DAB2IP: variants seen among roughly 807,000 people sequenced by gnomAD.
DAB2IP encodes the protein DAB2 interacting protein, also known as disabled homolog 2-interacting protein.
Under a neutral mutation model 107.2 loss-of-function variants are expected in DAB2IP, and 28 were observed. The observed-to-expected ratio is 0.26, with a 90% CI of 0.19 to 0.36. DAB2IP has a LOEUF of 0.36. Ranked by LOEUF, DAB2IP falls within the 10% of genes least tolerant of loss-of-function variation. The probability of loss-of-function intolerance (pLI) is 1.00; values close to 1 mark genes in which losing one functional copy is unlikely to be tolerated. For synonymous variants in DAB2IP, 755 were observed against 706.4 expected (o/e 1.07, Z -1.09); for missense variants, 1,400 against 1,644.7 (o/e 0.85, Z 2.57).
chr9:121,764,322 C>A (rs2118983336), intron 8 of DAB2IP, among the ~76,000 whole-genome samples: 1 of 152,320 alleles, frequency 6.6e-6, no homozygotes, highest in South Asian at 2.1e-4. Flanking sequence ...AGGCCTCTTG[C>A]TGGGACTAGA....
At chr9:121,630,811 T>C (rs1831849706) in intron 1 of DAB2IP, among the ~76,000 whole-genome samples, 2 of 152,088 alleles carry the variant, frequency 1.3e-5, no homozygotes, top group Admixed American at 1.3e-4. Flanking sequence ...TTTCACCATG[T>C]TGGCCAGGCT....
rs768485967 is a variant in DAB2IP, at chr9:121,717,492, G to A, written c.362+18034G>A. The stretch of plus-strand genomic sequence containing the variant: ...GTGGATCCTGAGAATCCGCCCCTGG[G>A]CAGATTCACTCGGGTCACACACTTG... On this transcript the variant is annotated intron_variant, in intron 3 of 15. Coordinates refer to ENST00000408936, the Ensembl canonical transcript of DAB2IP. Among the ~76,000 whole-genome samples the A allele has an allele frequency of 7.0e-4, 106 of 152,240 alleles. 1 individual carries two copies. Among genetic ancestry groups the A allele is most frequent in the Non-Finnish European group, 2.5e-4 (17 of 68,044 alleles).
chr9:121,638,948 A>G (rs1832184591), intron 1 of DAB2IP, among the ~76,000 whole-genome samples: 1 of 152,116 alleles, frequency 6.6e-6, no homozygotes, highest in Non-Finnish European at 1.5e-5. Flanking sequence ...AAAGGAAAGA[A>G]GCAGTGAAGG....
intron 3 of DAB2IP, among the ~76,000 whole-genome samples, chr9:121,715,193 C>T (rs1285284755): frequency 6.6e-6 from 1 of 152,130 alleles, no homozygotes; most frequent in Non-Finnish European, 1.5e-5. Context: ...CAGGGGGCTT[C>T]ATGGTGGTTG....
chr9:121,622,639 G>A (rs1303992142), intron 1 of DAB2IP, among the ~76,000 whole-genome samples: 7 of 152,202 alleles, frequency 4.6e-5, no homozygotes, highest in Admixed American at 2.6e-4. Context: ...CAGGGCTGGG[G>A]CTGCCGGGTG....
intron 3 of DAB2IP, among the ~76,000 whole-genome samples, chr9:121,747,826 TTC>T (rs376354958): frequency 1.8e-4 from 27 of 149,572 alleles, no homozygotes; most frequent in South Asian, 2.1e-4. Context: ...TTTTTGTTTC[TTC>T]TCTCTCTCTC....
At chr9:121,627,409 C>T (rs376022738) in intron 1 of DAB2IP, among the ~76,000 whole-genome samples, 27 of 151,934 alleles carry the variant, frequency 1.8e-4, no homozygotes, top group African/African-American at 6.3e-4. Flanking sequence ...TGCTTCAAAC[C>T]GGAGTGCATA....
intron 3 of DAB2IP, among the ~76,000 whole-genome samples, chr9:121,744,834 C>T (rs1041962086): frequency 6.6e-6 from 1 of 152,114 alleles, no homozygotes; most frequent in African/African-American, 2.4e-5. Flanking sequence ...GTTGTCAGTT[C>T]TGGGGGAGGC....
intron 6 of DAB2IP, among the ~76,000 whole-genome samples, chr9:121,761,573 T>TGCAGCCCCC (rs1460480147): frequency 1.3e-5 from 2 of 152,202 alleles, no homozygotes; most frequent in African/African-American, 4.8e-5. Flanking sequence ...CAGCAGCCTC[T>TGCAGCCCCC]GCAGCCCCCC....
intron 3 of DAB2IP, chr9:121,752,038 T>G: frequency 1.0e-6 from 1 of 985,412 alleles, no homozygotes; most frequent in Non-Finnish European, 1.2e-6. Flanking sequence ...CTGCCATGTT[T>G]AGAAGGGTCT....
rs1321328930 is a variant in DAB2IP, at chr9:121,599,403, A to C, written c.40+32175A>C. The stretch of plus-strand genomic sequence containing the variant: ...GGGGCGGTGGTGGGGAGGTCGATTG[A>C]CCAAACAGGTGCGCCCCCGCCCCTC... On this transcript the variant is annotated intron_variant, in intron 1 of 16. Coordinates refer to the DAB2IP transcript ENST00000259371. This position sits in a 1 kb window ranked among gnomAD's most constrained non-coding sequence, Gnocchi z 6.9. Among the ~76,000 whole-genome samples the C allele has an allele frequency of 1.3e-5, 2 of 151,872 alleles. No homozygotes were observed. Among genetic ancestry groups the C allele is most frequent in the Non-Finnish European group, 2.9e-5 (2 of 67,908 alleles).
intron 1 of DAB2IP, among the ~76,000 whole-genome samples, chr9:121,643,281 A>G (rs1832425699): frequency 6.6e-6 from 1 of 151,680 alleles, no homozygotes; most frequent in Non-Finnish European, 1.5e-5. Context: ...CCCTTCTTTC[A>G]TTTTTTGCAG....
chr9:121,660,259 G>T (rs969983688), intron 1 of DAB2IP, among the ~76,000 whole-genome samples: 1 of 152,164 alleles, frequency 6.6e-6, no homozygotes, highest in Non-Finnish European at 1.5e-5. Context: ...CTCCCAGGTG[G>T]TGTTATCAGC....
intron 1 of DAB2IP, among the ~76,000 whole-genome samples, chr9:121,571,806 G>A (rs957353112): frequency 6.6e-5 from 10 of 151,978 alleles, no homozygotes; most frequent in African/African-American, 2.4e-4. Flanking sequence ...CTTAGAGCAT[G>A]GCCAAGAAGG....
chr9:121,728,006 A>G lies in DAB2IP; in HGVS notation c.362+28548A>G, dbSNP rs77288662. Among the ~76,000 whole-genome samples the G allele has an allele frequency of 0.021, 3,259 of 152,302 alleles. 184 individuals carry two copies. In the East Asian group the frequency reaches 0.24, roughly 11 times the overall value. ...AACAGTCCAGTTCAGCAAACATTTC[A>G]TAAGCACCTGTTGTCTGCCTGGGTC... On this transcript the variant is annotated intron_variant, in intron 3 of 15. Transcript: ENST00000408936.
chr9:121,655,935 G>T (rs1014742984), intron 1 of DAB2IP, among the ~76,000 whole-genome samples: 1 of 151,938 alleles, frequency 6.6e-6, no homozygotes, highest in Non-Finnish European at 1.5e-5. Context: ...CATACAACTG[G>T]TTCCTAACCA....
intron 3 of DAB2IP, among the ~76,000 whole-genome samples, chr9:121,719,804 C>T (rs1830822098): frequency 6.6e-6 from 1 of 152,200 alleles, no homozygotes; most frequent in Non-Finnish European, 1.5e-5. Flanking sequence ...TAGTAAGAGG[C>T]AGAGCCAAAA....
At chr9:121,578,718 A>G (rs1443723152) in intron 1 of DAB2IP, among the ~76,000 whole-genome samples, 1 of 98,788 alleles carries the variant, frequency 1.0e-5, no homozygotes, top group African/African-American at 4.0e-5. Flanking sequence ...TCTCCGGCCT[A>G]TGTCTTTTTT....
intron 12 of DAB2IP, 86 bp from the exon 13 acceptor site, chr9:121,774,174 G>T: frequency 7.1e-7 from 1 of 1,399,288 alleles, no homozygotes; most frequent in African/African-American, 1.5e-5. Context: ...AGAGTTGCTT[G>T]TCCTTGTGGC....
Sources: gnomAD v4.1 joint callset for allele counts (sites outside exome capture counted in the v4.1 genomes callset) on GRCh38, gnomAD v4.1.1 for gene constraint, Gnocchi (gnomAD v3.1) non-coding constraint, MANE v1.5 for transcripts, NCBI Gene and HGNC (gene_info 2026-07-23, HGNC 2026-07-21) for gene names.